Variants in CHRM3 observed in about 807,000 individuals in gnomAD.
The protein encoded by CHRM3 is cholinergic receptor muscarinic 3, also known as muscarinic acetylcholine receptor M3.
Under a neutral mutation model 41.8 loss-of-function variants are expected in CHRM3, and 11 were observed. The observed-to-expected ratio is 0.26, with a 90% CI of 0.17 to 0.44. The LOEUF (loss-of-function observed/expected upper bound fraction) is 0.44, where lower values mean the gene tolerates loss of function less well. Among genes scored for constraint, CHRM3 ranks in the 20% least tolerant of loss-of-function variants. The pLI is 1.00. For missense variants in CHRM3, 571 were observed against 745.4 expected (o/e 0.77, Z 2.72); for synonymous variants, 297 against 301.4 (o/e 0.99, Z 0.15).
At chr1:239,558,301 G>A (rs1294725911) in intron 3 of CHRM3, among the ~76,000 whole-genome samples, 3 of 152,076 alleles carry the variant, frequency 2.0e-5, no homozygotes, top group Non-Finnish European at 4.4e-5. Context: ...GTCTGTTCAT[G>A]TCCTTTGTCC....
intron 5 of CHRM3, among the ~76,000 whole-genome samples, chr1:239,811,694 C>A (rs563869113): frequency 1.5e-4 from 23 of 152,218 alleles, no homozygotes; most frequent in Admixed American, 5.2e-4. Context: ...AAAGATACAC[C>A]GGAATGGGAC....
intron 5 of CHRM3, among the ~76,000 whole-genome samples, chr1:239,680,900 C>T (rs542549508): frequency 5.9e-5 from 9 of 151,900 alleles, no homozygotes; most frequent in East Asian, 1.9e-4. Context: ...CTGATTAAGA[C>T]GTATCCAAGA....
intron 3 of CHRM3, among the ~76,000 whole-genome samples, chr1:239,563,944 G>T (rs929983011): frequency 6.6e-6 from 1 of 152,100 alleles, no homozygotes; most frequent in Non-Finnish European, 1.5e-5. Context: ...ACAGGAAATG[G>T]TTCAAAAGCA....
intron 1 of CHRM3, among the ~76,000 whole-genome samples, chr1:239,490,286 C>T (rs1572478998): frequency 6.6e-6 from 1 of 152,134 alleles, no homozygotes; most frequent in Non-Finnish European, 1.5e-5. Flanking sequence ...ATATGTTAAG[C>T]ACTGCTGAAG....
intron 3 of CHRM3, among the ~76,000 whole-genome samples, chr1:239,588,652 T>C (rs544548171): frequency 2.0e-5 from 3 of 152,172 alleles, no homozygotes; most frequent in African/African-American, 7.2e-5. Context: ...CCCAGCGTCC[T>C]GCTTTTGTCC....
In CHRM3 at chr1:239,623,126, T is replaced by A. The variant is rs74906436; in HGVS notation, c.-312-9098T>A. ...TTTTCTAGCAATAAAGGTTTTTTTTTATTATACTTTAAGTTTTAGGGTACA... is the reference window on the plus strand; with the variant it reads ...TTTTCTAGCAATAAAGGTTTTTTTTAATTATACTTTAAGTTTTAGGGTACA... On this transcript the variant is annotated intron_variant, in intron 3 of 6. Transcript: ENST00000676153. Among the ~76,000 whole-genome samples, 1,047 of 152,260 alleles carry A rather than the reference T, an allele frequency of 6.9e-3. 15 individuals carry two copies. Among genetic ancestry groups the A allele is most frequent in the African/African-American group, 0.024 (980 of 41,536 alleles).
intron 5 of CHRM3, among the ~76,000 whole-genome samples, chr1:239,702,895 T>C (rs1440944772): frequency 6.6e-6 from 1 of 152,240 alleles, no homozygotes; most frequent in African/African-American, 2.4e-5. Context: ...CATAGTATAT[T>C]TATTTTAGCA....
intron 2 of CHRM3, among the ~76,000 whole-genome samples, chr1:239,524,456 G>A (rs929992134): frequency 1.3e-5 from 2 of 151,850 alleles, no homozygotes; most frequent in Admixed American, 6.6e-5. Flanking sequence ...TACGGACAAA[G>A]CATTCAATTA....
chr1:239,598,085 G>A (rs890040980), intron 3 of CHRM3, among the ~76,000 whole-genome samples: 12 of 152,030 alleles, frequency 7.9e-5, no homozygotes, highest in African/African-American at 2.9e-4. Context: ...GGGTCCTGAA[G>A]GCCAGGGGCA....
intron 5 of CHRM3, among the ~76,000 whole-genome samples, chr1:239,765,775 A>G (rs183673251): frequency 7.2e-5 from 11 of 152,188 alleles, no homozygotes; most frequent in Admixed American, 2.6e-4. Context: ...CAAATTGGCA[A>G]TGAACTAAGT....
At chr1:239,481,513 G>T (rs987040362) in intron 1 of CHRM3, among the ~76,000 whole-genome samples, 1 of 152,164 alleles carries the variant, frequency 6.6e-6, no homozygotes, top group Non-Finnish European at 1.5e-5. Context: ...AACTTATTGG[G>T]ATAGAGGTCA....
intron 2 of CHRM3, among the ~76,000 whole-genome samples, chr1:239,514,116 G>A (rs1244128904): frequency 6.6e-6 from 1 of 151,944 alleles, no homozygotes; most frequent in Admixed American, 6.6e-5. Context: ...GGCTATTCTG[G>A]GTCTTTTGCC....
intron 5 of CHRM3, among the ~76,000 whole-genome samples, chr1:239,773,106 T>C (rs1667821907): frequency 6.6e-6 from 1 of 152,188 alleles, no homozygotes. Context: ...TGGGAAAGTC[T>C]ACAACATACA....
chr1:239,860,050 G>A (rs1000635945), intron 6 of CHRM3, among the ~76,000 whole-genome samples: 4 of 151,970 alleles, frequency 2.6e-5, no homozygotes, highest in African/African-American at 9.7e-5. Context: ...CTGGTTGAAA[G>A]GAAGCACCCA....
chr1:239,843,200 T>G (rs1291236153), intron 6 of CHRM3, among the ~76,000 whole-genome samples: 2 of 152,164 alleles, frequency 1.3e-5, no homozygotes, highest in African/African-American at 4.8e-5. Context: ...TCCTCCTGCC[T>G]ATATACTCAT....
chr1:239,462,632 C>A (rs961124659), intron 1 of CHRM3, among the ~76,000 whole-genome samples: 6 of 152,104 alleles, frequency 3.9e-5, no homozygotes, highest in Non-Finnish European at 5.9e-5. Flanking sequence ...ATCAAATTAC[C>A]TACAAATACT....
chr1:239,697,200 G>A (rs1315258053), intron 5 of CHRM3, among the ~76,000 whole-genome samples: 5 of 152,138 alleles, frequency 3.3e-5, no homozygotes, highest in African/African-American at 7.2e-5. Flanking sequence ...GAGGGACCTG[G>A]TGGGAGGTAA....
chr1:239,886,503 C>T (rs1206432715), intron 6 of CHRM3: 1 of 152,190 alleles, frequency 6.6e-6, no homozygotes, highest in East Asian at 1.9e-4. Context: ...TCAGTTTAAA[C>T]TTAATCCCTC....
At chr1:239,599,218 A>T (rs1486162147) in intron 3 of CHRM3, among the ~76,000 whole-genome samples, 1 of 152,148 alleles carries the variant, frequency 6.6e-6, no homozygotes, top group African/African-American at 2.4e-5. Context: ...TGACTGTTTC[A>T]TCATGAAATC....
Sources: gnomAD v4.1 joint callset for allele counts (sites outside exome capture counted in the v4.1 genomes callset) on GRCh38, gnomAD v4.1.1 for gene constraint, MANE v1.5 for transcripts, NCBI Gene and HGNC (gene_info 2026-07-23, HGNC 2026-07-21) for gene names.